The following LRRTM3 variants were observed in gnomAD, a reference collection of about 807,000 sequenced individuals.
LRRTM3 encodes leucine-rich repeat transmembrane neuronal protein 3.
In LRRTM3, 24 loss-of-function variants were observed where a neutral mutation model predicts 44.7. The observed-to-expected ratio is 0.54, with a 90% CI of 0.39 to 0.76. The LOEUF (loss-of-function observed/expected upper bound fraction) is 0.76. Among genes scored for constraint, LRRTM3 ranks in the 30% least tolerant of loss-of-function variants. The pLI is 0.00. For missense variants in LRRTM3, 587 were observed against 702.2 expected (o/e 0.84, Z 1.85); for synonymous variants, 277 against 278.7 (o/e 0.99, Z 0.06).
At chr10:67,041,429 T>G (rs1854390587) in intron 2 of LRRTM3, among the ~76,000 whole-genome samples, 1 of 152,134 alleles carries the variant, frequency 6.6e-6, no homozygotes, top group Non-Finnish European at 1.5e-5. Flanking sequence ...ATACCTATGT[T>G]GCAAATATCA....
intron 2 of LRRTM3, among the ~76,000 whole-genome samples, chr10:66,987,717 A>G (rs575589923): frequency 6.6e-6 from 1 of 152,308 alleles, no homozygotes; most frequent in African/African-American, 2.4e-5. Flanking sequence ...TATAAACATA[A>G]GGTAAGATGC....
chr10:67,022,501 G>C (rs1853084991), intron 2 of LRRTM3, among the ~76,000 whole-genome samples: 1 of 152,084 alleles, frequency 6.6e-6, no homozygotes, highest in African/African-American at 2.4e-5. Flanking sequence ...AATTTTCAGA[G>C]ATGACAAAGG....
chr10:66,931,101 G>T (rs1847361315), intron 2 of LRRTM3, among the ~76,000 whole-genome samples: 1 of 148,224 alleles, frequency 6.7e-6, no homozygotes, highest in African/African-American at 2.5e-5. Context: ...AGTATTTCAA[G>T]TTCATGCAGA....
chr10:67,005,680 A>ATTTTTTTTTTTTTTTTT (rs1564825972), intron 2 of LRRTM3, among the ~76,000 whole-genome samples: 2 of 26,398 alleles, frequency 7.6e-5, no homozygotes, highest in African/African-American at 1.4e-4. Flanking sequence ...ATTTTACTCC[A>ATTTTTTTTTTTTTTTTT]TCTTTTTTTT....
At chr10:66,978,552 A>AAATAAAATAAAAAAAAAATATATATATAT in intron 2 of LRRTM3, among the ~76,000 whole-genome samples, 2 of 37,866 alleles carry the variant, frequency 5.3e-5, no homozygotes, top group Admixed American at 4.9e-4. Flanking sequence ...AAAAAAAAAA[A>AAATAAAATAAAAAAAAAATATATATATAT]ATATATATAT....
At chr10:66,967,742 G>A (rs1462865742) in intron 2 of LRRTM3, among the ~76,000 whole-genome samples, 1 of 152,004 alleles carries the variant, frequency 6.6e-6, no homozygotes, top group Non-Finnish European at 1.5e-5. Context: ...ATAAAGATAA[G>A]AGTGCCAGTG....
chr10:66,940,616 C>A (rs1042282487), intron 2 of LRRTM3, among the ~76,000 whole-genome samples: 1 of 152,162 alleles, frequency 6.6e-6, no homozygotes, highest in South Asian at 2.1e-4. Flanking sequence ...ATGAAACCCA[C>A]AAATTATATT....
chr10:67,092,440 A>G (rs776187189), intron 2 of LRRTM3, among the ~76,000 whole-genome samples: 9 of 151,994 alleles, frequency 5.9e-5, no homozygotes, highest in Non-Finnish European at 8.8e-5. Context: ...TCTGTTCTTC[A>G]GAGTATTTTG....
chr10:66,976,032 TA>T (rs1589528542), intron 2 of LRRTM3, among the ~76,000 whole-genome samples: 1 of 152,280 alleles, frequency 6.6e-6, no homozygotes, highest in East Asian at 1.9e-4. Flanking sequence ...TTTCCCTGTA[TA>T]AAAGGCCCAA....
intron 2 of LRRTM3, among the ~76,000 whole-genome samples, chr10:66,932,966 A>G (rs1847492329): frequency 6.6e-6 from 1 of 152,236 alleles, no homozygotes; most frequent in Non-Finnish European, 1.5e-5. Context: ...TCACAGGTAC[A>G]TTTCCTGGCT....
intron 2 of LRRTM3, among the ~76,000 whole-genome samples, chr10:67,058,364 A>G (rs1021902696): frequency 2.6e-5 from 4 of 152,222 alleles, no homozygotes; most frequent in Non-Finnish European, 4.4e-5. Context: ...ATTGGTTTCA[A>G]GAGAAATTTT....
At chr10:67,057,861 G>A (rs892517091) in intron 2 of LRRTM3, among the ~76,000 whole-genome samples, 21 of 152,218 alleles carry the variant, frequency 1.4e-4, no homozygotes, top group African/African-American at 4.8e-4. Context: ...GCCAAAATAT[G>A]AGAGTTCATA....
chr10:66,931,066 T>C (rs1847359089), intron 2 of LRRTM3, among the ~76,000 whole-genome samples: 2 of 152,102 alleles, frequency 1.3e-5, no homozygotes, highest in Non-Finnish European at 2.9e-5. Context: ...CTTTCTGGAC[T>C]ACATATCATA....
chr10:67,006,542 C>T (rs1852002468), intron 2 of LRRTM3, among the ~76,000 whole-genome samples: 1 of 106,536 alleles, frequency 9.4e-6, no homozygotes, highest in African/African-American at 3.1e-5. Flanking sequence ...GTTTTCTATT[C>T]TCTTATAACT....
intron 2 of LRRTM3, among the ~76,000 whole-genome samples, chr10:67,089,117 A>AC (rs563529649): frequency 7.8e-4 from 118 of 151,624 alleles, no homozygotes; most frequent in South Asian, 2.1e-3. Context: ...AACCTAAGGG[A>AC]CCCCCCATAG....
At chr10:67,083,134 A>G (rs947056844) in intron 2 of LRRTM3, among the ~76,000 whole-genome samples, 1 of 152,148 alleles carries the variant, frequency 6.6e-6, no homozygotes, top group African/African-American at 2.4e-5. Flanking sequence ...TTAAACTTTG[A>G]ATCCCTTTAA....
chr10:67,046,821 C>T (rs1337257733), intron 2 of LRRTM3, among the ~76,000 whole-genome samples: 10 of 152,044 alleles, frequency 6.6e-5, no homozygotes, highest in Non-Finnish European at 1.5e-4. Context: ...GGCCCATAAT[C>T]GAAGCTTTCA....
At chr10:67,077,989 G>T (rs1437626817) in intron 2 of LRRTM3, among the ~76,000 whole-genome samples, 1 of 152,140 alleles carries the variant, frequency 6.6e-6, no homozygotes. Context: ...TCAATTTTAT[G>T]TGTAACTATC....
chr10:67,040,335 G>T (rs1374409144), intron 2 of LRRTM3, among the ~76,000 whole-genome samples: 1 of 152,028 alleles, frequency 6.6e-6, no homozygotes, highest in African/African-American at 2.4e-5. Context: ...ATTTTGTGAT[G>T]GAGAGAGAAC....
Sources: allele counts gnomAD v4.1 joint callset (sites outside exome capture counted in the v4.1 genomes callset), GRCh38; gene constraint gnomAD v4.1.1; transcripts MANE v1.5; gene names NCBI Gene and HGNC (gene_info 2026-07-23, HGNC 2026-07-21).